Variants in PIK3R1 observed in about 807,000 individuals in gnomAD.
PIK3R1 encodes phosphoinositide-3-kinase regulatory subunit 1, also known as phosphatidylinositol 3-kinase regulatory subunit alpha.
A neutral mutation model predicts 98.0 loss-of-function variants in PIK3R1; 29 were observed. That is an observed-to-expected ratio of 0.30 (90% CI 0.22 to 0.40). The LOEUF (loss-of-function observed/expected upper bound fraction) is 0.40. Among genes scored for constraint, PIK3R1 ranks in the 10% least tolerant of loss-of-function variants. The probability of loss-of-function intolerance (pLI) is 1.00; values close to 1 mark genes in which losing one functional copy is unlikely to be tolerated. For synonymous variants in PIK3R1, 282 were observed against 311.8 expected (o/e 0.90, Z 1.01); for missense variants, 596 against 872.7 (o/e 0.68, Z 3.99).
chr5:68,227,604 G>GA (rs2111968437), intron 2 of PIK3R1, among the ~76,000 whole-genome samples: 1 of 152,278 alleles, frequency 6.6e-6, no homozygotes, highest in African/African-American at 2.4e-5. Flanking sequence ...GATTTGTATG[G>GA]AAAAATGTAG....
intron 2 of PIK3R1, chr5:68,239,880 T>C (rs1286422246): frequency 1.2e-5 from 6 of 506,180 alleles, no homozygotes; most frequent in Non-Finnish European, 1.9e-5. Context: ...AAAGCAGATG[T>C]GTGAGTTACT....
intron 2 of PIK3R1, among the ~76,000 whole-genome samples, chr5:68,240,937 C>T (rs1459582219): frequency 6.6e-6 from 1 of 152,168 alleles, no homozygotes; most frequent in African/African-American, 2.4e-5. Flanking sequence ...ATTCTATTTT[C>T]TAGTGAGGGT....
At chr5:68,235,227 AC>A (rs1744617674) in intron 2 of PIK3R1, among the ~76,000 whole-genome samples, 1 of 151,848 alleles carries the variant, frequency 6.6e-6, no homozygotes, top group Non-Finnish European at 1.5e-5. Flanking sequence ...ATATGGTGAA[AC>A]CCCATCTCTA....
At chr5:68,290,747 A>T (rs1377880393) in intron 7 of PIK3R1, 1 of 1,613,244 alleles carries the variant, frequency 6.2e-7, no homozygotes, top group Non-Finnish European at 8.5e-7. Flanking sequence ...TACTGTTTGG[A>T]ATATGGAAGA....
intron 7 of PIK3R1, among the ~76,000 whole-genome samples, chr5:68,290,380 A>C (rs1305253489): frequency 6.6e-5 from 10 of 152,252 alleles, no homozygotes; most frequent in Admixed American, 6.5e-4. Context: ...ACCTGCCAAC[A>C]GCAGAGCGTA....
chr5:68,221,662 A>G (rs1744096623), intron 1 of PIK3R1, among the ~76,000 whole-genome samples: 1 of 152,254 alleles, frequency 6.6e-6, no homozygotes, highest in Admixed American at 6.5e-5. Flanking sequence ...CAACAAAGTC[A>G]GAGAGGGCTT....
At chr5:68,227,847 T>C (rs1744338346) in intron 2 of PIK3R1, among the ~76,000 whole-genome samples, 1 of 152,218 alleles carries the variant, frequency 6.6e-6, no homozygotes, top group Non-Finnish European at 1.5e-5. Flanking sequence ...CACTGAATAC[T>C]TTGCTTAAAT....
intron 2 of PIK3R1, among the ~76,000 whole-genome samples, chr5:68,263,242 AATAT>A (rs1554048157): frequency 1.8e-5 from 2 of 113,494 alleles, no homozygotes; most frequent in Non-Finnish European, 1.8e-5. Flanking sequence ...TATATGTAGA[AATAT>A]ATATATATTC....
chr5:68,249,553 T>C (rs2112061296), intron 2 of PIK3R1, among the ~76,000 whole-genome samples: 1 of 152,342 alleles, frequency 6.6e-6, no homozygotes, highest in Middle Eastern at 3.4e-3. Flanking sequence ...TAACATCATA[T>C]TGGGCATTGG....
chr5:68,280,701 C>T lies in PIK3R1; in HGVS notation c.808C>T (p.Pro270Ser), dbSNP rs2112195954. The T allele has an allele frequency of 6.2e-7, 1 of 1,613,966 alleles. No individual in the cohort carries two copies. Among genetic ancestry groups the T allele is most frequent in the Non-Finnish European group, 8.5e-7 (1 of 1,179,946 alleles). ...NARVLSEIFS[P>S]MLFRFSAASS... is the part of the protein sequence containing the mutation. ...AAGAGTACTCTCTGAAATTTTCAGC[C>T]CTATGCTTTTCAGATTCTCAGCAGC... The change falls in exon 6 of 16, where the codon CCT becomes TCT. Residue 270 changes from proline (P) to serine (S), a missense_variant. By Grantham distance (74) the Pro-to-Ser change is moderately conservative. Transcript: ENST00000521381.
rs554340096 is a variant in PIK3R1 at position 68,294,335 on chromosome 5, G to A, written c.1426-201G>A. Among the ~76,000 whole-genome samples, 44 of 152,318 alleles carry A rather than the reference G, an allele frequency of 2.9e-4. No individual in the cohort carries two copies. In the South Asian group the frequency reaches 8.7e-3, roughly 30 times the overall value. Reference sequence around the variant, plus strand: ...AGCTTTTAAGAAGATAAAAACTATAGGAAATTGCTACGCAATCATTTTTCA... The same window carrying A: ...AGCTTTTAAGAAGATAAAAACTATAAGAAATTGCTACGCAATCATTTTTCA... On this transcript the variant is annotated intron_variant, in intron 11 of 15. Coordinates refer to ENST00000521381, the MANE Select transcript of PIK3R1 (RefSeq NM_181523.3).
At chr5:68,233,733 T>A (rs1744564745) in intron 2 of PIK3R1, among the ~76,000 whole-genome samples, 1 of 152,246 alleles carries the variant, frequency 6.6e-6, no homozygotes, top group Admixed American at 6.5e-5. Flanking sequence ...GATAACATAG[T>A]GTATACATTG....
Position 68,234,515 on chromosome 5 carries a change from G to A in PIK3R1, c.334+7506G>A, listed in dbSNP as rs549786758. On this transcript the variant is annotated intron_variant, in intron 2 of 15. Transcript: ENST00000521381. ...GCCCACCTGGTATCAAGTTTTTGCAGATGCATGCGGTGTATGGTTTTAAGA... is the reference window on the plus strand; with the variant it reads ...GCCCACCTGGTATCAAGTTTTTGCAAATGCATGCGGTGTATGGTTTTAAGA... Among the ~76,000 whole-genome samples the A allele has an allele frequency of 8.5e-5, 13 of 152,332 alleles. No homozygotes were observed. In the South Asian group the frequency reaches 2.5e-3, roughly 29 times the overall value.
chr5:68,294,572 A>G lies in PIK3R1; in HGVS notation c.1462A>G (p.Asn488Asp), dbSNP rs1747587410. ...GAAAAGGACAGCTATTGAAGCATTT[A>G]ATGAAACCATAAAAATATTTGAAGA... ...QMKRTAIEAF[N>D]ETIKIFEEQC... is the part of the protein sequence containing the mutation. The change falls in exon 12 of 16, where the codon AAT (asparagine) becomes GAT (aspartate). Residue 488 changes from asparagine (N) to aspartate (D), a missense_variant. By Grantham distance (23) the Asn-to-Asp change is conservative (BLOSUM62 1). This residue lies in a region of PIK3R1 where 207 missense variants were observed against 361.4 expected (regional missense o/e 0.57). Transcript: ENST00000521381. 6.2e-7 allele frequency: 1 copy of G among 1,611,210 alleles called. No homozygotes were observed. The highest frequency in any genetic ancestry group is 1.3e-5 in the African/African-American group (1 of 74,930).
At chr5:68,228,405 C>T (rs1350023079) in intron 2 of PIK3R1, among the ~76,000 whole-genome samples, 1 of 152,126 alleles carries the variant, frequency 6.6e-6, no homozygotes, top group Non-Finnish European at 1.5e-5. Flanking sequence ...CAAAGGGATA[C>T]TTATTTCATA....
rs772367889 is a variant in PIK3R1, at chr5:68,294,696, T to G, written c.1568+18T>G. 1.3e-6 allele frequency: 2 copies of G among 1,587,230 alleles called. No homozygotes were observed. Among genetic ancestry groups the G allele is most frequent in the Non-Finnish European group, 1.7e-6 (2 of 1,170,504 alleles). On this transcript the variant is annotated intron_variant, in intron 12 of 15. Transcript: ENST00000521381. ...ATACAAAGGTTGGTGTTTCCCTTGTTCTTGTGCTAGAGATAACCAAAATCC... is the reference window on the plus strand; with the variant it reads ...ATACAAAGGTTGGTGTTTCCCTTGTGCTTGTGCTAGAGATAACCAAAATCC...
At chr5:68,287,909 T>C (rs2112222374) in intron 7 of PIK3R1, among the ~76,000 whole-genome samples, 1 of 152,282 alleles carries the variant, frequency 6.6e-6, no homozygotes, top group East Asian at 1.9e-4. Flanking sequence ...CTATTGAACA[T>C]TTTTGTAATC....
intron 4 of PIK3R1, among the ~76,000 whole-genome samples, chr5:68,279,329 G>A (rs1253650356): frequency 6.6e-6 from 1 of 152,108 alleles, no homozygotes; most frequent in Non-Finnish European, 1.5e-5. Context: ...GTGGAGGTCT[G>A]CTACTGGCAT....
intron 7 of PIK3R1, among the ~76,000 whole-genome samples, chr5:68,286,150 C>G (rs1199545969): frequency 6.6e-6 from 1 of 152,094 alleles, no homozygotes; most frequent in Non-Finnish European, 1.5e-5. Context: ...ACTATATCTG[C>G]TGAGAAGTGA....
Sources: gnomAD v4.1 joint callset for allele counts (sites outside exome capture counted in the v4.1 genomes callset) on GRCh38, gnomAD v4.1.1 for gene constraint, gnomAD v4.1.1 regional missense constraint, MANE v1.5 for transcripts, NCBI Gene and HGNC (gene_info 2026-07-23, HGNC 2026-07-21) for gene names.